Variants in PAPPA observed in about 807,000 individuals in gnomAD.
PAPPA encodes pappalysin 1, also known as pappalysin-1.
A neutral mutation model predicts 164.0 loss-of-function variants in PAPPA; 60 were observed. The observed-to-expected ratio is 0.37, with a 90% CI of 0.30 to 0.45. PAPPA has a LOEUF of 0.45. Among genes scored for constraint, PAPPA ranks in the 20% least tolerant of loss-of-function variants. The pLI is 1.00. For synonymous variants in PAPPA, 875 were observed against 814.1 expected, an observed-to-expected ratio of 1.07 and a Z score of -1.27; for missense variants, 1,782 against 2,087.3, an observed-to-expected ratio of 0.85 and a Z score of 2.85.
chr9:116,333,362 C>T (rs1460878886), intron 12 of PAPPA, among the ~76,000 whole-genome samples: 1 of 152,116 alleles, frequency 6.6e-6, no homozygotes, highest in Non-Finnish European at 1.5e-5. Flanking sequence ...CCTAAGAATT[C>T]CTATTGTCGC....
chr9:116,161,379 T>C (rs904831093), intron 1 of PAPPA, among the ~76,000 whole-genome samples: 7 of 152,178 alleles, frequency 4.6e-5, no homozygotes, highest in Non-Finnish European at 1.0e-4. Context: ...TTTCAAACTG[T>C]CAGGGGTAAA....
intron 9 of PAPPA, among the ~76,000 whole-genome samples, chr9:116,283,434 C>CAGTCCTAAAGGAAACTACTCCAGGGA: frequency 1.3e-5 from 2 of 152,042 alleles, no homozygotes; most frequent in African/African-American, 4.8e-5. Context: ...GTGAGTGCAC[C>CAGTCCTAAAGGAAACTACTCCAGGGA]AGTCCTAAAG....
At chr9:116,185,673 A>G (rs1220071986) in intron 1 of PAPPA, among the ~76,000 whole-genome samples, 1 of 152,164 alleles carries the variant, frequency 6.6e-6, no homozygotes, top group Non-Finnish European at 1.5e-5. Flanking sequence ...TTCCCCATCC[A>G]ACAGCTTTGT....
chr9:116,257,880 TC>T (rs1844950144), intron 7 of PAPPA, among the ~76,000 whole-genome samples: 3 of 151,938 alleles, frequency 2.0e-5, no homozygotes, highest in African/African-American at 7.2e-5. Context: ...ATTTTTATTA[TC>T]CCCAAACTAT....
chr9:116,159,688 C>G (rs1392350063), intron 1 of PAPPA, among the ~76,000 whole-genome samples: 1 of 152,168 alleles, frequency 6.6e-6, no homozygotes, highest in Non-Finnish European at 1.5e-5. Flanking sequence ...GTTGAGCTGC[C>G]ACTCAGTGAA....
chr9:116,264,974 G>C (rs1845049948), intron 7 of PAPPA, among the ~76,000 whole-genome samples: 1 of 152,122 alleles, frequency 6.6e-6, no homozygotes, highest in African/African-American at 2.4e-5. Context: ...TAGGTCAGAG[G>C]AGAGATGCAG....
rs202166005 is a variant in PAPPA at position 116,334,853 on chromosome 9, C to T, written c.3398-8C>T. On this transcript the variant is annotated splice_region_variant and splice_polypyrimidine_tract_variant and intron_variant, in intron 12 of 21. Transcript: ENST00000328252. ...CTGGCCCCTCGGCCCCTCTGTCTCC[C>T]CTGACAGGCCTCCATGTCCTGAGCT... 19 of 1,611,498 alleles carry T rather than the reference C, an allele frequency of 1.2e-5. No homozygotes were observed. The highest frequency in any genetic ancestry group is 8.3e-5 in the Admixed American group (5 of 60,004).
intron 17 of PAPPA, among the ~76,000 whole-genome samples, chr9:116,355,352 C>CT (rs1177965745): frequency 6.6e-6 from 1 of 152,222 alleles, no homozygotes; most frequent in Non-Finnish European, 1.5e-5. Context: ...GTTACTCAAC[C>CT]CCCCATGGTG....
chr9:116,325,373 C>T (rs1269722054), intron 10 of PAPPA, among the ~76,000 whole-genome samples: 1 of 152,008 alleles, frequency 6.6e-6, no homozygotes, highest in Non-Finnish European at 1.5e-5. Context: ...CTCCTGGGGC[C>T]CTTAAAGGTC....
intron 9 of PAPPA, among the ~76,000 whole-genome samples, chr9:116,273,047 T>C (rs1306202411): frequency 6.6e-6 from 1 of 152,158 alleles, no homozygotes; most frequent in African/African-American, 2.4e-5. Flanking sequence ...GTCGTCATCC[T>C]TATGGCAACC....
chr9:116,223,438 G>A (rs2118713547), intron 5 of PAPPA, among the ~76,000 whole-genome samples: 1 of 152,170 alleles, frequency 6.6e-6, no homozygotes, highest in Middle Eastern at 3.4e-3. Context: ...GTTAATTGTT[G>A]TGTAATGAGA....
At chr9:116,280,920 T>C (rs1471041037) in intron 9 of PAPPA, among the ~76,000 whole-genome samples, 1 of 152,366 alleles carries the variant, frequency 6.6e-6, no homozygotes, top group South Asian at 2.1e-4. Context: ...TGTTGACTGC[T>C]GGCAGAGGTG....
At chr9:116,371,650 C>A (rs1002063957) in intron 19 of PAPPA, among the ~76,000 whole-genome samples, 1 of 150,944 alleles carries the variant, frequency 6.6e-6, no homozygotes, top group African/African-American at 2.4e-5. Flanking sequence ...ACTGTGTTGC[C>A]CAGGCTGGTT....
intron 15 of PAPPA, among the ~76,000 whole-genome samples, chr9:116,351,487 C>G (rs1022735742): frequency 6.6e-6 from 1 of 152,200 alleles, no homozygotes; most frequent in Non-Finnish European, 1.5e-5. Flanking sequence ...CCCTGAAAGG[C>G]AGAAGCAATT....
intron 7 of PAPPA, 58 bp from the exon 8 acceptor site, chr9:116,265,799 C>T (rs1393620262): frequency 7.0e-7 from 1 of 1,436,278 alleles, no homozygotes; most frequent in East Asian, 2.3e-5. Flanking sequence ...ATTTTCCATT[C>T]TCTCTTTGTC....
At chr9:116,301,214 T>C (rs940329489) in intron 9 of PAPPA, among the ~76,000 whole-genome samples, 5 of 152,152 alleles carry the variant, frequency 3.3e-5, no homozygotes, top group Non-Finnish European at 2.9e-5. Context: ...TCCTTTTGTC[T>C]GGACATAATT....
chr9:116,277,495 G>C (rs1231642713), intron 9 of PAPPA, among the ~76,000 whole-genome samples: 3 of 152,046 alleles, frequency 2.0e-5, no homozygotes, highest in Non-Finnish European at 4.4e-5. Flanking sequence ...CTGACACTTA[G>C]CTTGTGTCGC....
chr9:116,388,098 A>G (rs1257715792), intron 21 of PAPPA, among the ~76,000 whole-genome samples: 1 of 152,070 alleles, frequency 6.6e-6, no homozygotes, highest in Non-Finnish European at 1.5e-5. Context: ...TACAGACACC[A>G]GCTGTTCCCC....
intron 20 of PAPPA, among the ~76,000 whole-genome samples, chr9:116,379,459 T>G (rs1846698369): frequency 6.6e-6 from 1 of 152,172 alleles, no homozygotes; most frequent in Admixed American, 6.5e-5. Context: ...ACTGTTCCAG[T>G]TCTGGGAATA....
Sources: gnomAD v4.1 joint callset for allele counts (sites outside exome capture counted in the v4.1 genomes callset) on GRCh38, gnomAD v4.1.1 for gene constraint, MANE v1.5 for transcripts, NCBI Gene and HGNC (gene_info 2026-07-23, HGNC 2026-07-21) for gene names.